SGCZ: variants seen among roughly 807,000 people sequenced by gnomAD.
The protein encoded by SGCZ is zeta-sarcoglycan.
SGCZ carries 40 observed loss-of-function variants against 41.3 expected under a neutral mutation model. That is an observed-to-expected ratio of 0.97 (90% CI 0.75 to 1.26). The LOEUF (loss-of-function observed/expected upper bound fraction) is 1.26, where lower values mean the gene tolerates loss of function less well. Ranked by LOEUF, SGCZ falls within the 50% of genes most tolerant of loss-of-function variation. The pLI is 0.00. For missense variants in SGCZ, 552 were observed against 369.8 expected, an observed-to-expected ratio of 1.49 and a Z score of -4.04; for synonymous variants, 206 against 137.5, an observed-to-expected ratio of 1.50 and a Z score of -3.49.
At chr8:15,176,566 C>T (rs1053214978) in intron 1 of SGCZ, among the ~76,000 whole-genome samples, 1 of 152,154 alleles carries the variant, frequency 6.6e-6, no homozygotes, top group African/African-American at 2.4e-5. Flanking sequence ...AGTAATATTT[C>T]ATAGAAGAAT....
At chr8:15,066,939 T>C (rs976732809) in intron 1 of SGCZ, among the ~76,000 whole-genome samples, 1 of 152,212 alleles carries the variant, frequency 6.6e-6, no homozygotes, top group South Asian at 2.1e-4. Context: ...CCTTTATACA[T>C]ATCATCTGTA....
chr8:14,321,304 G>A (rs1343809065), intron 3 of SGCZ, among the ~76,000 whole-genome samples: 1 of 151,984 alleles, frequency 6.6e-6, no homozygotes, highest in Non-Finnish European at 1.5e-5. Context: ...GACTACTTGG[G>A]TTAACTTTTG....
At chr8:14,535,417 A>C (rs1011552529) in intron 2 of SGCZ, among the ~76,000 whole-genome samples, 73 of 152,046 alleles carry the variant, frequency 4.8e-4, no homozygotes, top group Middle Eastern at 3.4e-3. Flanking sequence ...TAATAAGAAA[A>C]AAGGTTACAT....
Position 14,955,150 on chromosome 8 carries a change from C to A in SGCZ, c.39+282435G>T, listed in dbSNP as rs577469250. Among the ~76,000 whole-genome samples, 6 of 152,076 alleles carry A rather than the reference C, an allele frequency of 3.9e-5. No individual in the cohort carries two copies. The East Asian group carries it at 1.2e-3, about 29-fold the overall frequency. On this transcript the variant is annotated intron_variant, in intron 1 of 7. Transcript: ENST00000382080. ...CCTTGTAGTTTTATTGGCCATGCATCCATATCCAGCGTAATTTAGTGAAGT... is the reference window on the plus strand; with the variant it reads ...CCTTGTAGTTTTATTGGCCATGCATACATATCCAGCGTAATTTAGTGAAGT...
intron 3 of SGCZ, among the ~76,000 whole-genome samples, chr8:14,261,102 T>TAAA (rs67267456): frequency 6.6e-6 from 1 of 150,786 alleles, no homozygotes; most frequent in Admixed American, 6.6e-5. Context: ...TATAATAAAA[T>TAAA]AAAAAAAAAG....
intron 2 of SGCZ, among the ~76,000 whole-genome samples, chr8:14,463,185 G>T (rs35005030): frequency 6.6e-6 from 1 of 150,734 alleles, no homozygotes; most frequent in African/African-American, 2.4e-5. Flanking sequence ...ATATTTCTCT[G>T]GTTAGAATTT....
chr8:14,775,460 A>AGTGTGTGT (rs71739993), intron 1 of SGCZ, among the ~76,000 whole-genome samples: 14 of 149,210 alleles, frequency 9.4e-5, no homozygotes, highest in Non-Finnish European at 2.1e-4. Context: ...AGAATATTTG[A>AGTGTGTGT]GTGTGTGTGT....
At chr8:14,470,458 A>T (rs954893107) in intron 2 of SGCZ, among the ~76,000 whole-genome samples, 1 of 152,110 alleles carries the variant, frequency 6.6e-6, no homozygotes, top group Non-Finnish European at 1.5e-5. Flanking sequence ...AATTCTTATA[A>T]ATGTTGCAAA....
chr8:14,961,259 C>T (rs1255722950), intron 1 of SGCZ, among the ~76,000 whole-genome samples: 1 of 151,998 alleles, frequency 6.6e-6, no homozygotes, highest in African/African-American at 2.4e-5. Context: ...TCCTAAATAC[C>T]AGCCTAGACT....
intron 4 of SGCZ, chr8:14,164,904 G>C (rs754728162): frequency 2.2e-5 from 13 of 597,148 alleles, no homozygotes; most frequent in Non-Finnish European, 3.6e-5. Context: ...AGGCTGGTTA[G>C]GCATACAGGT....
At chr8:14,837,343 T>C (rs1387789133) in intron 1 of SGCZ, among the ~76,000 whole-genome samples, 1 of 152,130 alleles carries the variant, frequency 6.6e-6, no homozygotes, top group Non-Finnish European at 1.5e-5. Context: ...GAATCGCAAA[T>C]GAGATATTCT....
chr8:14,713,157 G>C (rs1809577010), intron 1 of SGCZ, among the ~76,000 whole-genome samples: 1 of 152,118 alleles, frequency 6.6e-6, no homozygotes, highest in Non-Finnish European at 1.5e-5. Context: ...AAGTGTACCA[G>C]GTTTAATTGC....
intron 2 of SGCZ, among the ~76,000 whole-genome samples, chr8:14,448,304 T>C (rs562167232): frequency 2.2e-4 from 34 of 152,290 alleles, no homozygotes; most frequent in Middle Eastern, 6.8e-3. Flanking sequence ...ACGAACTGCA[T>C]GGCAGAAACT....
At chr8:14,773,910 AT>A (rs1367089816) in intron 1 of SGCZ, among the ~76,000 whole-genome samples, 1 of 152,116 alleles carries the variant, frequency 6.6e-6, no homozygotes, top group Non-Finnish European at 1.5e-5. Flanking sequence ...TTTAAATTTT[AT>A]TTTTTCACAG....
intron 1 of SGCZ, among the ~76,000 whole-genome samples, chr8:15,154,685 T>G (rs115412151): frequency 0.016 from 2,426 of 152,300 alleles, 70 homozygotes; most frequent in African/African-American, 0.055. Context: ...CAGAAACCAT[T>G]TGAAGAGGGC....
At chr8:15,023,374 A>T (rs1803326878) in intron 1 of SGCZ, among the ~76,000 whole-genome samples, 1 of 152,150 alleles carries the variant, frequency 6.6e-6, no homozygotes, top group Admixed American at 6.5e-5. Flanking sequence ...TGCTGTTTAC[A>T]GTTTGCCATC....
chr8:14,171,196 T>A (rs1804370135), intron 4 of SGCZ, among the ~76,000 whole-genome samples: 2 of 151,542 alleles, frequency 1.3e-5, no homozygotes, highest in South Asian at 4.2e-4. Flanking sequence ...TTTCTTTTTC[T>A]CATTTATCAT....
At chr8:14,262,797 A>G (rs1020007125) in intron 3 of SGCZ, among the ~76,000 whole-genome samples, 2 of 151,054 alleles carry the variant, frequency 1.3e-5, no homozygotes, top group African/African-American at 2.4e-5. Context: ...CCAGTCAAAC[A>G]AAGTTTCAAG....
chr8:15,233,135 G>C (rs1402132362), intron 1 of SGCZ, among the ~76,000 whole-genome samples: 1 of 151,712 alleles, frequency 6.6e-6, no homozygotes, highest in African/African-American at 2.4e-5. Flanking sequence ...TCACAAATAT[G>C]TTTCATCTTT....
Sources: gnomAD v4.1 joint callset for allele counts (sites outside exome capture counted in the v4.1 genomes callset) on GRCh38, gnomAD v4.1.1 for gene constraint, MANE v1.5 for transcripts, NCBI Gene and HGNC (gene_info 2026-07-23, HGNC 2026-07-21) for gene names.